The following SCARA5 variants were observed in gnomAD, a reference collection of about 807,000 sequenced individuals.
SCARA5 encodes scavenger receptor class A, member 5 (putative).
SCARA5 carries 45 observed loss-of-function variants against 46.3 expected under a neutral mutation model. The ratio of observed to expected loss-of-function variants is 0.97; its 90% CI spans 0.76 to 1.24. The LOEUF (loss-of-function observed/expected upper bound fraction) is 1.24. Ranked by LOEUF, SCARA5 falls within the 50% of genes most tolerant of loss-of-function variation. The probability of loss-of-function intolerance (pLI) is 0.00; values close to 1 mark genes in which losing one functional copy is unlikely to be tolerated. For missense variants in SCARA5, 680 were observed against 689.0 expected (o/e 0.99, Z 0.15); for synonymous variants, 333 against 306.5 (o/e 1.09, Z -0.90).
intron 1 of SCARA5, among the ~76,000 whole-genome samples, chr8:27,988,850 A>G (rs573319491): frequency 4.6e-5 from 7 of 152,264 alleles, no homozygotes; most frequent in East Asian, 1.9e-4. Flanking sequence ...CCCCATGAGG[A>G]TGGGTCCCAG....
At chr8:27,902,937 G>A (rs897560908) in intron 7 of SCARA5, among the ~76,000 whole-genome samples, 2 of 152,148 alleles carry the variant, frequency 1.3e-5, no homozygotes, top group African/African-American at 4.8e-5. Context: ...GAGTGTGGGG[G>A]GTCCAGGATC....
rs371334786 is a variant in SCARA5, at chr8:27,960,505, GAGTT to G, written c.241+5905_241+5908del. 1.1e-3 allele frequency among the ~76,000 whole-genome samples: 164 copies of G among 152,308 alleles called. 1 individual carries two copies. Among genetic ancestry groups the G allele is most frequent in the African/African-American group, 3.8e-3 (159 of 41,570 alleles). On this transcript the variant is annotated intron_variant, in intron 3 of 8. Coordinates refer to ENST00000354914, the MANE Select transcript of SCARA5 (RefSeq NM_173833.6). ...AGTACTTACGTGCCAGGCAGTGAAA[GAGTT>G]TTAATTTTTCATGTATTATTTAATT...
intron 7 of SCARA5, among the ~76,000 whole-genome samples, chr8:27,880,849 T>A (rs1370973402): frequency 2.5e-5 from 2 of 80,810 alleles, no homozygotes; most frequent in Non-Finnish European, 2.3e-5. Flanking sequence ...AGCAAGACCC[T>A]GTCTAAGGAA....
chr8:27,938,491 C>T (rs1447072604), intron 3 of SCARA5, among the ~76,000 whole-genome samples: 2 of 152,172 alleles, frequency 1.3e-5, no homozygotes, highest in Non-Finnish European at 2.9e-5. Flanking sequence ...CCCTATCTGA[C>T]AAATTTAGAC....
At position 27,907,572 on chromosome 8, in the gene SCARA5, CTT is replaced by C. The variant is rs144977060; in HGVS notation, c.998-328_998-327del. ...GCTGGAGACTTAGAATCAGCAAACA[CTT>C]TTTTTTTTTTTTTTTTTTGAGACAA... On this transcript the variant is annotated intron_variant, in intron 5 of 8. Transcript: ENST00000354914. 8.5e-3 allele frequency among the ~76,000 whole-genome samples: 825 copies of C among 97,246 alleles called. 14 individuals are homozygous for C. Among genetic ancestry groups the C allele is most frequent in the African/African-American group, 0.028 (711 of 25,470 alleles). 63.8% of individuals were successfully genotyped at this position (97,246 alleles called of 152,430 possible).
chr8:27,981,664 G>A (rs768152218), intron 2 of SCARA5, among the ~76,000 whole-genome samples: 4 of 152,204 alleles, frequency 2.6e-5, no homozygotes, highest in Non-Finnish European at 5.9e-5. Flanking sequence ...TTCACATCCA[G>A]CCCTGACACA....
At chr8:27,962,949 G>T (rs1000817546) in intron 3 of SCARA5, among the ~76,000 whole-genome samples, 5 of 152,206 alleles carry the variant, frequency 3.3e-5, no homozygotes, top group African/African-American at 1.2e-4. Flanking sequence ...TGTTAGAAAA[G>T]AACTAATTTA....
At position 27,949,189 on chromosome 8, in the gene SCARA5, C is replaced by G. The variant is rs77199870; in HGVS notation, c.241+17225G>C. On this transcript the variant is annotated intron_variant, in intron 3 of 8. Coordinates refer to ENST00000354914, the MANE Select transcript of SCARA5 (RefSeq NM_173833.6). ...TGAGCAGAGCCCACGTGGCTCAGAG[C>G]TTGGCTTTCCAGCTAATCTGTATTT... Among the ~76,000 whole-genome samples the G allele has an allele frequency of 5.8e-4, 89 of 152,352 alleles. 1 individual carries two copies. The East Asian group carries it at 0.016, about 28-fold the overall frequency.
At chr8:27,873,988 T>C (rs1024234682) in intron 8 of SCARA5, among the ~76,000 whole-genome samples, 7 of 152,168 alleles carry the variant, frequency 4.6e-5, no homozygotes, top group African/African-American at 1.7e-4. Context: ...AGGCGGAGGT[T>C]ACAGCGAGCC....
rs907566413 is a variant in SCARA5 at position 27,871,736 on chromosome 8, C to T, written c.*198G>A. 2.1e-6 allele frequency: 3 copies of T among 1,425,506 alleles called. No homozygotes were observed. Among genetic ancestry groups the T allele is most frequent in the Non-Finnish European group, 2.7e-6 (3 of 1,092,814 alleles). 88.3% of individuals were successfully genotyped at this position (1,425,506 alleles called of 1,614,324 possible). ...GAAGAGAGAGACGGGCAGTAGGTCC[C>T]AGAGTTATACTTCGGAGCACATGTT... On this transcript the variant is annotated 3_prime_UTR_variant, in exon 9 of 9. Transcript: ENST00000354914.
intron 4 of SCARA5, among the ~76,000 whole-genome samples, chr8:27,911,724 G>C (rs1237003695): frequency 1.3e-5 from 2 of 152,078 alleles, no homozygotes; most frequent in African/African-American, 4.8e-5. Context: ...AAAAGAAAAG[G>C]AGGACCATGA....
chr8:27,922,717 T>C (rs1219978023), intron 3 of SCARA5, among the ~76,000 whole-genome samples: 2 of 152,134 alleles, frequency 1.3e-5, no homozygotes, highest in African/African-American at 4.8e-5. Flanking sequence ...CTTTAGAGGG[T>C]GGGTACCTGC....
intron 3 of SCARA5, among the ~76,000 whole-genome samples, chr8:27,946,474 T>C (rs1808038689): frequency 6.6e-6 from 1 of 152,228 alleles, no homozygotes; most frequent in South Asian, 2.1e-4. Flanking sequence ...CAACCACGGA[T>C]AGAGAGAGGA....
At chr8:27,965,117 T>C (rs528411435) in intron 3 of SCARA5, among the ~76,000 whole-genome samples, 2 of 152,212 alleles carry the variant, frequency 1.3e-5, no homozygotes, top group South Asian at 4.2e-4. Context: ...GCCCCTCAGG[T>C]TGCTCATTGA....
chr8:27,914,260 CT>C (rs1265541565), intron 4 of SCARA5, among the ~76,000 whole-genome samples: 1 of 152,224 alleles, frequency 6.6e-6, no homozygotes, highest in African/African-American at 2.4e-5. Context: ...CATTAAACCT[CT>C]TTTTCTTTAT....
chr8:27,990,446 C>T (rs1463640735), intron 1 of SCARA5, among the ~76,000 whole-genome samples: 2 of 152,100 alleles, frequency 1.3e-5, no homozygotes, highest in Non-Finnish European at 2.9e-5. Flanking sequence ...AAACTGATGG[C>T]AAGTGCTCCT....
intron 7 of SCARA5, among the ~76,000 whole-genome samples, chr8:27,882,972 A>G (rs143674733): frequency 1.3e-5 from 2 of 152,320 alleles, no homozygotes; most frequent in Admixed American, 1.3e-4. Context: ...TGGGAACAAC[A>G]TCTACACTGC....
At chr8:27,989,065 G>T (rs138154903) in intron 1 of SCARA5, among the ~76,000 whole-genome samples, 1 of 150,908 alleles carries the variant, frequency 6.6e-6, no homozygotes, top group Non-Finnish European at 1.5e-5. Context: ...GGGTTGCTCT[G>T]CAGCAGAGCA....
At chr8:27,879,459 G>T in intron 8 of SCARA5, 110 bp downstream of exon 8, 3 of 1,057,024 alleles carry the variant, frequency 2.8e-6, no homozygotes, top group African/African-American at 3.1e-5. Context: ...TTGGGGAGAG[G>T]CTGGGGACCT....
Sources: gnomAD v4.1 joint callset for allele counts (sites outside exome capture counted in the v4.1 genomes callset) on GRCh38, gnomAD v4.1.1 for gene constraint, MANE v1.5 for transcripts, NCBI Gene and HGNC (gene_info 2026-07-23, HGNC 2026-07-21) for gene names.